The following ATXN1 variants were observed in gnomAD, a reference collection of about 807,000 sequenced individuals.
ATXN1 encodes ataxin 1, also known as ataxin-1.
Under a neutral mutation model 56.4 loss-of-function variants are expected in ATXN1, and 8 were observed. That is an observed-to-expected ratio of 0.14 (90% confidence interval 0.08 to 0.26). The LOEUF is 0.26. Ranked by LOEUF, ATXN1 falls within the 10% of genes least tolerant of loss-of-function variation. ATXN1 has a pLI of 1.00. For missense variants in ATXN1, 987 were observed against 1,106.5 expected (o/e 0.89, Z 1.53); for synonymous variants, 514 against 494.6 (o/e 1.04, Z -0.52).
chr6:16,479,025 A>G (rs1391930057), intron 6 of ATXN1, among the ~76,000 whole-genome samples: 2 of 152,212 alleles, frequency 1.3e-5, no homozygotes, highest in African/African-American at 2.4e-5. Flanking sequence ...AAATGTATTG[A>G]GAAAGAAGTA....
At chr6:16,673,450 C>G (rs910407033) in intron 2 of ATXN1, among the ~76,000 whole-genome samples, 1 of 152,166 alleles carries the variant, frequency 6.6e-6, no homozygotes, top group Non-Finnish European at 1.5e-5. Flanking sequence ...TTCCCACTCA[C>G]GCCTGCAGCT....
chr6:16,732,207 C>T (rs914252209), intron 2 of ATXN1, among the ~76,000 whole-genome samples: 43 of 152,224 alleles, frequency 2.8e-4, no homozygotes, highest in African/African-American at 8.9e-4. Flanking sequence ...AATAGGCAGA[C>T]GCACATGGTC....
chr6:16,728,054 A>G (rs1759888033), intron 2 of ATXN1, among the ~76,000 whole-genome samples: 1 of 152,232 alleles, frequency 6.6e-6, no homozygotes, highest in African/African-American at 2.4e-5. Flanking sequence ...TGAGGATTAC[A>G]GAGATTAAAC....
At chr6:16,663,870 T>C (rs1319242003) in intron 2 of ATXN1, among the ~76,000 whole-genome samples, 1 of 152,146 alleles carries the variant, frequency 6.6e-6, no homozygotes, top group South Asian at 2.1e-4. Flanking sequence ...ATATTCTTTA[T>C]TTTGGTCTGA....
At chr6:16,706,083 A>T (rs1759400159) in intron 2 of ATXN1, among the ~76,000 whole-genome samples, 1 of 152,014 alleles carries the variant, frequency 6.6e-6, no homozygotes, top group Admixed American at 6.6e-5. Flanking sequence ...CATCCATATA[A>T]TACTATTTTG....
intron 4 of ATXN1, among the ~76,000 whole-genome samples, chr6:16,536,811 C>T (rs1561744558): frequency 6.6e-6 from 1 of 152,202 alleles, no homozygotes; most frequent in Non-Finnish European, 1.5e-5. Context: ...GAGCTCTAGA[C>T]TCTGCAGAGC....
intron 6 of ATXN1, among the ~76,000 whole-genome samples, chr6:16,384,874 A>C (rs1461876634): frequency 6.6e-6 from 1 of 152,206 alleles, no homozygotes; most frequent in Non-Finnish European, 1.5e-5. Flanking sequence ...ATCCAGTCTC[A>C]GGTAGTTCTC....
chr6:16,730,507 A>ATATATATATATATATATATATAT (rs1759950843), intron 2 of ATXN1, among the ~76,000 whole-genome samples: 2 of 146,160 alleles, frequency 1.4e-5, no homozygotes, highest in African/African-American at 5.0e-5. Context: ...ATATATATAT[A>ATATATATATATATATATATATAT]AATGTATTTA....
chr6:16,513,738 A>G (rs1761125780), intron 5 of ATXN1, among the ~76,000 whole-genome samples: 1 of 152,118 alleles, frequency 6.6e-6, no homozygotes, highest in Non-Finnish European at 1.5e-5. Flanking sequence ...GTGTCTGTCC[A>G]CCAGAGTAAG....
chr6:16,741,762 ATGT>A (rs1408383636), intron 2 of ATXN1, among the ~76,000 whole-genome samples: 1 of 152,196 alleles, frequency 6.6e-6, no homozygotes, highest in Non-Finnish European at 1.5e-5. Context: ...CTTCATTTTA[ATGT>A]TGTTTATTAC....
At chr6:16,481,427 G>A (rs547309268) in intron 6 of ATXN1, among the ~76,000 whole-genome samples, 14 of 152,322 alleles carry the variant, frequency 9.2e-5, no homozygotes, top group African/African-American at 3.4e-4. Context: ...TTCAGAGTAA[G>A]AGAAATTCAG....
rs537086126 is a variant in ATXN1, at chr6:16,504,648, A to AG, written c.-299+17978dup. Among the ~76,000 whole-genome samples, 10 of 152,332 alleles carry AG rather than the reference A, an allele frequency of 6.6e-5. No individual in the cohort carries two copies. In the East Asian group the frequency reaches 1.9e-3, roughly 29 times the overall value. On this transcript the variant is annotated intron_variant, in intron 5 of 7. Coordinates refer to ENST00000436367, the MANE Select transcript of ATXN1 (RefSeq NM_001128164.2). ...AGCAAAGAAGGAAAAGGACTTGAAA[A>AG]GGGTGACAAGTCACTCAGGTGAATG...
At chr6:16,624,309 C>A (rs905556540) in intron 3 of ATXN1, among the ~76,000 whole-genome samples, 2 of 149,854 alleles carry the variant, frequency 1.3e-5, no homozygotes, top group Non-Finnish European at 2.9e-5. Flanking sequence ...TGAGATCACA[C>A]CATCACACTC....
At chr6:16,705,437 C>T (rs1759386521) in intron 2 of ATXN1, among the ~76,000 whole-genome samples, 1 of 152,136 alleles carries the variant, frequency 6.6e-6, no homozygotes, top group Admixed American at 6.5e-5. Context: ...AGATCCAGAC[C>T]TATTTATACA....
chr6:16,603,679 G>T (rs1432027122), intron 3 of ATXN1, among the ~76,000 whole-genome samples: 1 of 152,186 alleles, frequency 6.6e-6, no homozygotes, highest in East Asian at 1.9e-4. Flanking sequence ...AGGCAGAAAA[G>T]AGCATTACCA....
At chr6:16,640,730 C>A (rs555431578) in intron 3 of ATXN1, among the ~76,000 whole-genome samples, 11 of 151,692 alleles carry the variant, frequency 7.3e-5, no homozygotes, top group Non-Finnish European at 1.5e-4. Flanking sequence ...AATTAATAAC[C>A]CTAAAATAGC....
intron 6 of ATXN1, among the ~76,000 whole-genome samples, chr6:16,422,270 G>C (rs1759051968): frequency 6.6e-6 from 1 of 152,184 alleles, no homozygotes; most frequent in Non-Finnish European, 1.5e-5. Context: ...CCAGCAGAAA[G>C]ATATAGGTGG....
At chr6:16,527,884 T>C (rs1293658609) in intron 4 of ATXN1, among the ~76,000 whole-genome samples, 1 of 152,204 alleles carries the variant, frequency 6.6e-6, no homozygotes, top group Admixed American at 6.5e-5. Context: ...GATCTAACAA[T>C]GCACTTCTTA....
chr6:16,477,324 T>C (rs967770960), intron 6 of ATXN1, among the ~76,000 whole-genome samples: 5 of 152,236 alleles, frequency 3.3e-5, no homozygotes, highest in Non-Finnish European at 7.3e-5. Context: ...AAGGCCACTT[T>C]GGACAGGGAC....
Sources: allele counts gnomAD v4.1 joint callset (sites outside exome capture counted in the v4.1 genomes callset), GRCh38; gene constraint gnomAD v4.1.1; transcripts MANE v1.5; gene names NCBI Gene and HGNC (gene_info 2026-07-23, HGNC 2026-07-21).